The following SLC27A3 variants were observed in gnomAD, a reference collection of about 807,000 sequenced individuals.
The protein encoded by SLC27A3 is solute carrier family 27 member 3.
In SLC27A3, 60 loss-of-function variants were observed where a neutral mutation model predicts 60.1. The ratio of observed to expected loss-of-function variants is 1.00; its 90% CI spans 0.81 to 1.24. The LOEUF is 1.24. Among genes scored for constraint, SLC27A3 ranks in the 50% most tolerant of loss-of-function variants. The probability of loss-of-function intolerance (pLI) is 0.00; values close to 1 mark genes in which losing one functional copy is unlikely to be tolerated. For missense variants in SLC27A3, 1,079 were observed against 929.9 expected, an observed-to-expected ratio of 1.16 and a Z score of -2.09; for synonymous variants, 455 against 409.0, an observed-to-expected ratio of 1.11 and a Z score of -1.36.
In SLC27A3 at chr1:153,779,907, G is replaced by A; in HGVS notation, c.1957G>A (p.Asp653Asn). ...NEGFDPSTLS[D>N]PLYVLDQAVG... ...GGGCTTCGACCCCAGCACCCTGTCT[G>A]ACCCACTGTACGTTCTGGACCAGGC... Residue 653 changes from aspartate to asparagine, a missense_variant, in exon 10 of 10, where the codon GAC (aspartate) becomes AAC (asparagine). Physicochemically the swap from Asp to Asn is conservative, Grantham distance 23. Coordinates refer to ENST00000624995, the MANE Select transcript of SLC27A3 (RefSeq NM_024330.4). 2 of 1,614,080 alleles carry A rather than the reference G, an allele frequency of 1.2e-6. No individual in the cohort carries two copies. The highest frequency in any genetic ancestry group is 1.7e-6 in the Non-Finnish European group (2 of 1,180,030).
Position 153,776,658 on chromosome 1 carries a change from C to G in SLC27A3, c.808C>G (p.Pro270Ala). 1 of 1,614,122 alleles carries G rather than the reference C, an allele frequency of 6.2e-7. No individual in the cohort carries two copies. The highest frequency in any genetic ancestry group is 8.5e-7 in the Non-Finnish European group (1 of 1,179,992). The change falls in exon 2 of 10, where the codon CCA (proline) becomes GCA (alanine). Residue 270 changes from proline (P) to alanine (A), a missense_variant. Pro to Ala is a conservative substitution (Grantham distance 27). Transcript: ENST00000624995. ...EVSAEVDGPV[P>A]GYLSSPQSIT... ...GTCCGCTGAAGTGGATGGGCCAGTG[C>G]CAGGATACCTCTCTTCCCCCCAGAG...
rs1282415931 is a variant in SLC27A3 at position 153,777,231 on chromosome 1, C to T, written c.1036+11C>T. On this transcript the variant is annotated intron_variant, in intron 3 of 9. Transcript: ENST00000624995. ...GCTGCATGGGCATTGGTCAGTCTCC[C>T]CAACCCCACCTTCATTAATTCATCC... is the stretch of plus-strand genomic sequence containing the variant. 2 of 1,613,846 alleles carry T rather than the reference C, an allele frequency of 1.2e-6. No homozygotes were observed. Among genetic ancestry groups the T allele is most frequent in the Admixed American group, 3.3e-5 (2 of 60,004 alleles).
In SLC27A3 at chr1:153,778,676, G is replaced by A; in HGVS notation, c.1448-11G>A. On this transcript the variant is annotated splice_polypyrimidine_tract_variant and intron_variant, in intron 6 of 9. Coordinates refer to ENST00000624995, the MANE Select transcript of SLC27A3 (RefSeq NM_024330.4). ...AGGTGACACCACTCCTGACCCTGGT[G>A]ACTCTGCCAGGTGAGCCAGGGCTGC... is the stretch of plus-strand genomic sequence containing the variant. 6.2e-7 allele frequency: 1 copy of A among 1,612,648 alleles called. No individual in the cohort carries two copies. The highest frequency in any genetic ancestry group is 8.5e-7 in the Non-Finnish European group (1 of 1,179,874).
At position 153,777,799 on chromosome 1, in the gene SLC27A3, C is replaced by G. The variant is rs759590227; in HGVS notation, c.1075C>G (p.Gln359Glu). The part of the protein sequence containing the change: ...VVLKSKFSAG[Q>E]FWEDCQQHRV... ...GCTGAAATCCAAGTTCTCGGCTGGT[C>G]AGTTCTGGGAAGATTGCCAGCAGCA... The change falls in exon 4 of 10, where the codon CAG (glutamine) becomes GAG (glutamate). Residue 359 changes from glutamine (Q) to glutamate (E), a missense_variant. Transcript: ENST00000624995. 6.2e-7 allele frequency: 1 copy of G among 1,614,198 alleles called. No individual in the cohort carries two copies. Among genetic ancestry groups the G allele is most frequent in the Non-Finnish European group, 8.5e-7 (1 of 1,180,046 alleles).
rs140781371 is a variant in SLC27A3, at chr1:153,775,965, A to T, written c.468A>T (p.Arg156Ser). The change falls in exon 1 of 10, where the codon AGA becomes AGT. Residue 156 changes from arginine to serine, a missense_variant. Coordinates refer to ENST00000624995, the MANE Select transcript of SLC27A3 (RefSeq NM_024330.4). ...TTGCCGGAGGGGACGGTGCCGCCAG[A>T]GGTGGAGGAGCCGCCGCCCCTCTGT... ...AEFAGGDGAA[R>S]GGGAAAPLSP... The T allele has an allele frequency of 3.0e-5, 43 of 1,439,120 alleles. No homozygotes were observed. The East Asian group carries it at 1.1e-3, about 38-fold the overall frequency. 89.1% of individuals were successfully genotyped at this position (1,439,120 alleles called of 1,614,324 possible).
intron 9 of SLC27A3, 96 bp downstream of exon 9, chr1:153,779,569 A>G: frequency 1.4e-6 from 2 of 1,415,604 alleles, no homozygotes; most frequent in Non-Finnish European, 1.9e-6. Flanking sequence ...TGGCTCCCAA[A>G]CTCCACAAAG....
Position 153,778,289 on chromosome 1 carries a change from C to T in SLC27A3, c.1290C>T (p.Gly430=), listed in dbSNP as rs1673339833. The change falls in exon 5 of 10, where the codon GGC becomes GGT. Residue 430 remains glycine (G), a synonymous_variant. Transcript: ENST00000624995. ...QVLETYGLTE[G]NVATINYTGQ... is the part of the protein sequence containing the mutation. ...TGGAGACATATGGACTGACAGAGGG[C>T]AACGTGGCCACCATCAACTACACAG... is the stretch of plus-strand genomic sequence containing the variant. 2 of 1,614,120 alleles carry T rather than the reference C, an allele frequency of 1.2e-6. No homozygotes were observed. Among genetic ancestry groups the T allele is most frequent in the Non-Finnish European group, 8.5e-7 (1 of 1,180,010 alleles).
Position 153,776,299 on chromosome 1 carries a change from G to C in SLC27A3, c.667+135G>C, listed in dbSNP as rs146271053. On this transcript the variant is annotated intron_variant, in intron 1 of 9. Transcript: ENST00000624995. Reference sequence around the variant, plus strand: ...ATCCCTTGGGGTTCGAAAGTGGGTGGAGATAGGAGTCTCCGGGTTTGAGAA... The same window carrying C: ...ATCCCTTGGGGTTCGAAAGTGGGTGCAGATAGGAGTCTCCGGGTTTGAGAA... 404 of 1,415,696 alleles carry C rather than the reference G, an allele frequency of 2.9e-4. 2 individuals are homozygous for C. The African/African-American group carries it at 5.3e-3, about 19-fold the overall frequency. 87.7% of individuals were successfully genotyped at this position (1,415,696 alleles called of 1,614,324 possible).
chr1:153,778,109 G>C, intron 4 of SLC27A3, 52 bp from the exon 5 acceptor site: 2 of 1,559,340 alleles, frequency 1.3e-6, no homozygotes, highest in East Asian at 2.2e-5. Context: ...ATTCACTTCC[G>C]GGAGCGGGCA....
chr1:153,779,904 T>C lies in SLC27A3; in HGVS notation c.1954T>C (p.Ser652Pro). 1.9e-6 allele frequency: 3 copies of C among 1,614,008 alleles called. No individual in the cohort carries two copies. The highest frequency in any genetic ancestry group is 2.5e-6 in the Non-Finnish European group (3 of 1,180,010). The change falls in exon 10 of 10, where the codon TCT (serine) becomes CCT (proline). Residue 652 changes from serine (S) to proline (P), a missense_variant. By Grantham distance (74) the Ser-to-Pro change is moderately conservative (BLOSUM62 -1). Coordinates refer to ENST00000624995, the MANE Select transcript of SLC27A3 (RefSeq NM_024330.4). ...TGAGGGCTTCGACCCCAGCACCCTG[T>C]CTGACCCACTGTACGTTCTGGACCA... ...ANEGFDPSTL[S>P]DPLYVLDQAV...
chr1:153,777,313 G>A, intron 3 of SLC27A3, 93 bp downstream of exon 3: 3 of 1,465,598 alleles, frequency 2.0e-6, no homozygotes, highest in Non-Finnish European at 1.9e-6. Flanking sequence ...AGATAATCTA[G>A]AGGACGGATG....
Position 153,779,832 on chromosome 1 carries a change from T to A in SLC27A3, c.1882T>A (p.Leu628Met). ...RPRFLRLQES[L>M]ATTETFKQQK... Reference sequence around the variant, plus strand: ...CTGACCCTCCTGTCCCCAGGAGTCTTTGGCCACCACAGAGACCTTCAAACA... The same window carrying A: ...CTGACCCTCCTGTCCCCAGGAGTCTATGGCCACCACAGAGACCTTCAAACA... The change falls in exon 10 of 10, where the codon TTG becomes ATG. Residue 628 changes from leucine to methionine, a missense_variant. By Grantham distance (15) the Leu-to-Met change is conservative. Coordinates refer to ENST00000624995, the MANE Select transcript of SLC27A3 (RefSeq NM_024330.4). 1 of 1,613,846 alleles carries A rather than the reference T, an allele frequency of 6.2e-7. No individual in the cohort carries two copies. Among genetic ancestry groups the A allele is most frequent in the Non-Finnish European group, 8.5e-7 (1 of 1,179,894 alleles).
intron 2 of SLC27A3, 77 bp from the exon 3 acceptor site, chr1:153,776,985 C>G: frequency 6.6e-7 from 1 of 1,511,476 alleles, no homozygotes; most frequent in Non-Finnish European, 9.1e-7. Context: ...TGTGGGAAAC[C>G]CAGCGGGGGT....
intron 7 of SLC27A3, 27 bp downstream of exon 7, chr1:153,778,912 C>T (rs779094324): frequency 6.2e-6 from 10 of 1,603,306 alleles, no homozygotes; most frequent in Non-Finnish European, 1.7e-6. Context: ...GGTTTTTCAT[C>T]CTGGACATCT....
chr1:153,778,709 C>A lies in SLC27A3; in HGVS notation c.1470C>A (p.Ala490=). ...TSPGEPGLLV[A]PVSQQSPFLG... is the part of the protein sequence containing the mutation. ...CAGGTGAGCCAGGGCTGCTGGTGGC[C>A]CCGGTAAGCCAGCAGTCCCCATTCC... The change falls in exon 7 of 10, where the codon GCC becomes GCA. Residue 490 remains alanine (A), a synonymous_variant. Coordinates refer to ENST00000624995, the MANE Select transcript of SLC27A3 (RefSeq NM_024330.4). 1 of 1,613,038 alleles carries A rather than the reference C, an allele frequency of 6.2e-7. No homozygotes were observed. The highest frequency in any genetic ancestry group is 8.5e-7 in the Non-Finnish European group (1 of 1,179,974).
At position 153,779,962 on chromosome 1, in the gene SLC27A3, C is replaced by G. The variant is rs1237094484; in HGVS notation, c.2012C>G (p.Ala671Gly). Residue 671 changes from alanine to glycine, a missense_variant, in exon 10 of 10, where the codon GCC becomes GGC. Physicochemically the swap from Ala to Gly is moderately conservative, Grantham distance 60. Transcript: ENST00000624995. ...GGTGCCTACCTGCCCCTCACAACTGCCCGGTACAGCGCCCTCCTGGCAGGA... is the reference window on the plus strand; with the variant it reads ...GGTGCCTACCTGCCCCTCACAACTGGCCGGTACAGCGCCCTCCTGGCAGGA... ...AVGAYLPLTTARYSALLAGNL... is the reference protein window; with the variant it reads ...AVGAYLPLTTGRYSALLAGNL... The G allele has an allele frequency of 1.9e-6, 3 of 1,614,078 alleles. No homozygotes were observed. In the South Asian group the frequency reaches 3.3e-5, roughly 18 times the overall value.
chr1:153,779,797 C>T, intron 9 of SLC27A3, 29 bp from the exon 10 acceptor site: 1 of 1,605,434 alleles, frequency 6.2e-7, no homozygotes, highest in South Asian at 1.1e-5. Context: ...GTCCCCTTCC[C>T]TCCAAATCCC....
In SLC27A3 at chr1:153,779,450, C is replaced by T. The variant is rs150607273; in HGVS notation, c.1852C>T (p.Arg618Trp). ...GTCTGAGAACTTGCCACCTTATGCCCGGCCCCGATTCCTCAGGCTCCAGGT... is the reference window on the plus strand; with the variant it reads ...GTCTGAGAACTTGCCACCTTATGCCTGGCCCCGATTCCTCAGGCTCCAGGT... ...HVSENLPPYA[R>W]PRFLRLQESL... Residue 618 changes from arginine (R) to tryptophan (W), a missense_variant, in exon 9 of 10, where the codon CGG becomes TGG. Arg to Trp is a moderately radical substitution (Grantham distance 101). Coordinates refer to ENST00000624995, the MANE Select transcript of SLC27A3 (RefSeq NM_024330.4). 175 of 1,613,530 alleles carry T rather than the reference C, an allele frequency of 1.1e-4. No homozygotes were observed. The highest frequency in any genetic ancestry group is 3.3e-4 in the African/African-American group (25 of 74,856).
At position 153,775,441 on chromosome 1, in the gene SLC27A3, T is replaced by C. The variant is rs1673133723; in HGVS notation, c.-57T>C. ...GGCCCTAGGTTTTCGGAAGGGAGGA[T>C]CAGGGATGTTTGCGAGCGGCTGGAA... On this transcript the variant is annotated 5_prime_UTR_variant, in exon 1 of 10. Coordinates refer to ENST00000624995, the MANE Select transcript of SLC27A3 (RefSeq NM_024330.4). 6.2e-7 allele frequency: 1 copy of C among 1,612,256 alleles called. No homozygotes were observed. The highest frequency in any genetic ancestry group is 1.3e-5 in the African/African-American group (1 of 75,034).
Sources: allele counts gnomAD v4.1 joint callset, GRCh38; gene constraint gnomAD v4.1.1; transcripts MANE v1.5; gene names NCBI Gene and HGNC (gene_info 2026-07-23, HGNC 2026-07-21).